Variants in SNTG1 observed in about 807,000 individuals in gnomAD.
SNTG1 encodes the protein gamma-1-syntrophin.
A neutral mutation model predicts 74.7 loss-of-function variants in SNTG1; 39 were observed. The observed-to-expected ratio is 0.52, with a 90% CI of 0.40 to 0.68. The LOEUF (loss-of-function observed/expected upper bound fraction) is 0.68. SNTG1 is among the 30% of genes least tolerant of loss of function. The probability of loss-of-function intolerance (pLI) is 0.00; values close to 1 mark genes in which losing one functional copy is unlikely to be tolerated. For missense variants in SNTG1, 685 were observed against 609.5 expected (o/e 1.12, Z -1.30); for synonymous variants, 254 against 217.1 (o/e 1.17, Z -1.49).
At chr8:50,554,325 T>C (rs2094443490) in intron 12 of SNTG1, among the ~76,000 whole-genome samples, 1 of 152,126 alleles carries the variant, frequency 6.6e-6, no homozygotes, top group Admixed American at 6.6e-5. Context: ...CAATGCTAAG[T>C]GTTTTCCAAT....
At chr8:50,626,096 G>C (rs188595775) in intron 13 of SNTG1, among the ~76,000 whole-genome samples, 11 of 152,190 alleles carry the variant, frequency 7.2e-5, no homozygotes, top group African/African-American at 2.6e-4. Context: ...ATGCTTTTTT[G>C]TAATATTCTT....
intron 13 of SNTG1, among the ~76,000 whole-genome samples, chr8:50,608,737 CA>C (rs562945270): frequency 1.3e-5 from 2 of 151,898 alleles, no homozygotes; most frequent in East Asian, 3.9e-4. Context: ...TGTATGCCTG[CA>C]ATTCTGCTAT....
At chr8:50,043,215 G>A (rs1030594017) in intron 1 of SNTG1, among the ~76,000 whole-genome samples, 4 of 152,086 alleles carry the variant, frequency 2.6e-5, no homozygotes, top group Non-Finnish European at 5.9e-5. Flanking sequence ...CTATATTAGC[G>A]AGTCTATATT....
intron 2 of SNTG1, among the ~76,000 whole-genome samples, chr8:50,219,704 A>T (rs1026502061): frequency 1.2e-4 from 18 of 152,072 alleles, no homozygotes; most frequent in Admixed American, 7.2e-4. Flanking sequence ...GCAAGCAGAA[A>T]ATCTGTCGCC....
intron 2 of SNTG1, among the ~76,000 whole-genome samples, chr8:50,369,497 G>A (rs2092213391): frequency 6.6e-6 from 1 of 152,022 alleles, no homozygotes; most frequent in Non-Finnish European, 1.5e-5. Flanking sequence ...TTGGGAGGCT[G>A]AGGCAGGAAA....
intron 12 of SNTG1, 54 bp from the exon 13 acceptor site, chr8:50,590,825 C>T (rs2094686622): frequency 1.7e-6 from 2 of 1,208,162 alleles, no homozygotes; most frequent in East Asian, 5.3e-5. Context: ...TTCTGGGGAC[C>T]TTGTGTTACC....
At chr8:50,533,201 GCTT>G (rs2094282927) in intron 10 of SNTG1, among the ~76,000 whole-genome samples, 1 of 152,178 alleles carries the variant, frequency 6.6e-6, no homozygotes, top group Non-Finnish European at 1.5e-5. Context: ...TTTGTTCTGT[GCTT>G]ACCAGAAGAC....
chr8:50,744,010 T>G (rs1301680415), intron 17 of SNTG1, among the ~76,000 whole-genome samples: 2 of 151,834 alleles, frequency 1.3e-5, no homozygotes, highest in African/African-American at 4.8e-5. Context: ...AGACAGGATT[T>G]CCTATGAACC....
chr8:50,411,861 G>A (rs1377609607), intron 4 of SNTG1, among the ~76,000 whole-genome samples: 1 of 152,100 alleles, frequency 6.6e-6, no homozygotes, highest in Non-Finnish European at 1.5e-5. Context: ...AGTGGGATTA[G>A]CCCGAGTTGG....
chr8:50,185,940 G>A (rs529680240), intron 2 of SNTG1, among the ~76,000 whole-genome samples: 1 of 151,980 alleles, frequency 6.6e-6, no homozygotes, highest in Non-Finnish European at 1.5e-5. Context: ...CTATCAACAC[G>A]TCATCTAGGT....
At chr8:50,285,364 T>C (rs2088708825) in intron 2 of SNTG1, among the ~76,000 whole-genome samples, 1 of 152,142 alleles carries the variant, frequency 6.6e-6, no homozygotes, top group Admixed American at 6.6e-5. Flanking sequence ...TGGTGTTTTG[T>C]TTTGTGTGCT....
At chr8:50,269,741 G>GA (rs910096000) in intron 2 of SNTG1, among the ~76,000 whole-genome samples, 8 of 151,576 alleles carry the variant, frequency 5.3e-5, no homozygotes, top group African/African-American at 9.7e-5. Context: ...AAAATAAAGA[G>GA]AAAAAAAACA....
chr8:50,692,600 T>C (rs1220252411), intron 15 of SNTG1, among the ~76,000 whole-genome samples: 1 of 152,144 alleles, frequency 6.6e-6, no homozygotes, highest in African/African-American at 2.4e-5. Context: ...TGCCTGATCG[T>C]TCCTCTGGAA....
At chr8:50,434,133 T>G (rs899109341) in intron 4 of SNTG1, among the ~76,000 whole-genome samples, 1 of 147,572 alleles carries the variant, frequency 6.8e-6, no homozygotes, top group South Asian at 2.2e-4. Flanking sequence ...AGTGAGAACA[T>G]GCGGTGTTTG....
intron 11 of SNTG1, among the ~76,000 whole-genome samples, chr8:50,548,279 A>T (rs1272583358): frequency 6.6e-6 from 1 of 152,210 alleles, no homozygotes. Context: ...GTGGATGAAC[A>T]GGAAGCTCAG....
rs1811434626 is a variant in SNTG1, at chr8:49,969,385, A to ATAT, written c.-103+57155_-103+57156insATT. Reference sequence around the variant, plus strand: ...GCAAATACACATTTTAATTCATTTAATCTTTTTTTTTTTTTTTTTTTTTTT... The same window carrying ATAT: ...GCAAATACACATTTTAATTCATTTAATATTCTTTTTTTTTTTTTTTTTTTTTTT... On this transcript the variant is annotated intron_variant, in intron 1 of 18. Coordinates refer to ENST00000642720, the MANE Select transcript of SNTG1 (RefSeq NM_018967.5). Among the ~76,000 whole-genome samples the ATAT allele has an allele frequency of 4.3e-5, 5 of 116,628 alleles. 2 individuals are homozygous for ATAT. Among genetic ancestry groups the ATAT allele is most frequent in the Non-Finnish European group, 5.1e-5 (3 of 58,524 alleles). 76.5% of individuals were successfully genotyped at this position (116,628 alleles called of 152,430 possible). A position where few individuals can be genotyped will look rare whatever the true frequency, so the allele number is the denominator to read the frequency against.
chr8:50,664,402 A>G (rs570181304), intron 15 of SNTG1, among the ~76,000 whole-genome samples: 1 of 152,218 alleles, frequency 6.6e-6, no homozygotes, highest in Non-Finnish European at 1.5e-5. Context: ...ATGATGCAGA[A>G]TAAAGTTGGC....
intron 12 of SNTG1, among the ~76,000 whole-genome samples, chr8:50,568,227 T>TTGTTTGCGTGTGTGTGTG (rs140888701): frequency 6.8e-6 from 1 of 146,282 alleles, no homozygotes; most frequent in Non-Finnish European, 1.5e-5. Flanking sequence ...TTGTCCATGT[T>TTGTTTGCGTGTGTGTGTG]TGTGTGTGTG....
intron 1 of SNTG1, among the ~76,000 whole-genome samples, chr8:49,975,532 T>A (rs1812112271): frequency 6.6e-6 from 1 of 150,950 alleles, no homozygotes; most frequent in Non-Finnish European, 1.5e-5. Context: ...ATCTGATAAT[T>A]TTTTTTTCTT....
Sources: allele counts gnomAD v4.1 joint callset (sites outside exome capture counted in the v4.1 genomes callset), GRCh38; gene constraint gnomAD v4.1.1; transcripts MANE v1.5; gene names NCBI Gene and HGNC (gene_info 2026-07-23, HGNC 2026-07-21).